ZNF609: variants seen among roughly 807,000 people sequenced by gnomAD.
ZNF609 encodes the protein zinc finger protein 609.
ZNF609 carries 11 observed loss-of-function variants against 109.5 expected under a neutral mutation model. The ratio of observed to expected loss-of-function variants is 0.10; its 90% CI spans 0.06 to 0.17. The LOEUF (loss-of-function observed/expected upper bound fraction) is 0.17. Among genes scored for constraint, ZNF609 ranks in the 10% least tolerant of loss-of-function variants. The pLI is 1.00. For synonymous variants in ZNF609, 646 were observed against 662.0 expected (o/e 0.98, Z 0.37); for missense variants, 1,559 against 1,772.4 (o/e 0.88, Z 2.16).
chr15:64,517,609 C>T (rs1728750906), intron 2 of ZNF609, among the ~76,000 whole-genome samples: 1 of 151,878 alleles, frequency 6.6e-6, no homozygotes, highest in Admixed American at 6.6e-5. Context: ...GTGGCTCACA[C>T]CTGTAGTCCC....
intron 1 of ZNF609, among the ~76,000 whole-genome samples, chr15:64,478,157 TG>T (rs1342468805): frequency 1.2e-5 from 1 of 80,666 alleles, no homozygotes; most frequent in Non-Finnish European, 2.2e-5. Flanking sequence ...AGAATAAAGG[TG>T]TGTGTGTGTG....
At chr15:64,664,717 G>T (rs577793754) in intron 3 of ZNF609, among the ~76,000 whole-genome samples, 106 of 152,242 alleles carry the variant, frequency 7.0e-4, no homozygotes, top group South Asian at 4.3e-3. Context: ...ATTTAAACAA[G>T]CCTCCATTTT....
At chr15:64,541,688 C>A (rs11071800) in intron 2 of ZNF609, among the ~76,000 whole-genome samples, 127,258 of 150,974 alleles carry the variant, frequency 0.84, 55,612 homozygotes, top group East Asian at 0.96. Context: ...AAAATACAAA[C>A]AATTAGCCGG....
Position 64,665,929 on chromosome 15 carries a change from A to T in ZNF609, c.974-4417A>T, listed in dbSNP as rs935994338. 2.0e-5 allele frequency among the ~76,000 whole-genome samples: 3 copies of T among 150,018 alleles called. No homozygotes were observed. The East Asian group carries it at 5.8e-4, about 29-fold the overall frequency. Reference sequence around the variant, plus strand: ...CTCAAAAATAAAAATTAAAATTAAAAATTAAATTAAAAAATAAATAAACAA... The same window carrying T: ...CTCAAAAATAAAAATTAAAATTAAATATTAAATTAAAAAATAAATAAACAA... On this transcript the variant is annotated intron_variant, in intron 3 of 9. Coordinates refer to ENST00000326648, the MANE Select transcript of ZNF609 (RefSeq NM_015042.2).
chr15:64,668,176 ATGT>A (rs1896677830), intron 3 of ZNF609, among the ~76,000 whole-genome samples: 1 of 152,226 alleles, frequency 6.6e-6, no homozygotes, highest in African/African-American at 2.4e-5. Context: ...GCAAACCAAA[ATGT>A]TAATAATAGA....
At chr15:64,592,224 C>T (rs545528848) in intron 2 of ZNF609, among the ~76,000 whole-genome samples, 1 of 151,962 alleles carries the variant, frequency 6.6e-6, no homozygotes, top group African/African-American at 2.4e-5. Context: ...AAAATTAGGA[C>T]AACCTAAATA....
At chr15:64,668,140 A>G (rs1057270223) in intron 3 of ZNF609, among the ~76,000 whole-genome samples, 3 of 152,242 alleles carry the variant, frequency 2.0e-5, no homozygotes, top group Non-Finnish European at 4.4e-5. Flanking sequence ...AAGTAATAAC[A>G]AAGACATTCC....
intron 2 of ZNF609, among the ~76,000 whole-genome samples, chr15:64,572,903 A>G (rs941780008): frequency 1.3e-5 from 2 of 152,122 alleles, no homozygotes; most frequent in African/African-American, 4.8e-5. Context: ...CTCCGTCTTG[A>G]GAAAAAAAAG....
chr15:64,572,766 G>A (rs989499798), intron 2 of ZNF609, among the ~76,000 whole-genome samples: 5 of 152,114 alleles, frequency 3.3e-5, no homozygotes, highest in Non-Finnish European at 7.4e-5. Context: ...GGTGGCACAT[G>A]CCTGCATACC....
At position 64,576,956 on chromosome 15, in the gene ZNF609, GTATA is replaced by G. The variant is rs1349801081; in HGVS notation, c.748-45866_748-45863del. 2.5e-5 allele frequency among the ~76,000 whole-genome samples: 3 copies of G among 121,152 alleles called. No individual in the cohort carries two copies. The East Asian group carries it at 6.9e-4, about 28-fold the overall frequency. The allele number at this position is 121,152 out of a possible 152,430, so 79.5% of individuals were successfully genotyped here. A position where few individuals can be genotyped will look rare whatever the true frequency, so the allele number is the denominator to read the frequency against. ...TATACATATAAATATATACATATAT[GTATA>G]TATACACATAAATATATATATGTAT... On this transcript the variant is annotated intron_variant, in intron 2 of 9. Coordinates refer to ENST00000326648, the MANE Select transcript of ZNF609 (RefSeq NM_015042.2).
chr15:64,551,601 G>A (rs1426507278), intron 2 of ZNF609, among the ~76,000 whole-genome samples: 1 of 136,478 alleles, frequency 7.3e-6, no homozygotes, highest in African/African-American at 2.5e-5. Flanking sequence ...ATGGTGAGCC[G>A]AGATCGCGCC....
chr15:64,463,199 A>C (rs1892966898), intron 1 of ZNF609, among the ~76,000 whole-genome samples: 1 of 152,190 alleles, frequency 6.6e-6, no homozygotes, highest in Non-Finnish European at 1.5e-5. Flanking sequence ...GTTCGAGACC[A>C]GCTTGGGCAA....
At chr15:64,482,095 A>G (rs993168430) in intron 1 of ZNF609, among the ~76,000 whole-genome samples, 1 of 152,090 alleles carries the variant, frequency 6.6e-6, no homozygotes, top group South Asian at 2.1e-4. Context: ...TTTTGTTTTT[A>G]AAAAAGATAT....
intron 2 of ZNF609, among the ~76,000 whole-genome samples, chr15:64,530,255 A>T (rs981067883): frequency 1.3e-5 from 2 of 151,690 alleles, no homozygotes; most frequent in Non-Finnish European, 2.9e-5. Context: ...ACCTCAAGTG[A>T]TCCGCTTGCC....
intron 2 of ZNF609, among the ~76,000 whole-genome samples, chr15:64,515,069 G>A (rs1308661360): frequency 6.6e-6 from 1 of 152,056 alleles, no homozygotes; most frequent in Non-Finnish European, 1.5e-5. Flanking sequence ...TTTAGGAAGG[G>A]CTCTTCCTTC....
At chr15:64,524,119 G>C (rs76498077) in intron 2 of ZNF609, among the ~76,000 whole-genome samples, 4,411 of 148,714 alleles carry the variant, frequency 0.03, 225 homozygotes, top group African/African-American at 0.1. Context: ...TTCACAAACT[G>C]TGTACCCATC....
chr15:64,630,167 G>A (rs1435737247), intron 3 of ZNF609, among the ~76,000 whole-genome samples: 2 of 149,760 alleles, frequency 1.3e-5, no homozygotes, highest in Non-Finnish European at 3.0e-5. Context: ...CACCTACGGG[G>A]TTCAAGCGAT....
chr15:64,623,043 A>G lies in ZNF609; in HGVS notation c.964A>G (p.Thr322Ala), dbSNP rs1369292192. 1.2e-6 allele frequency: 2 copies of G among 1,614,052 alleles called. No homozygotes were observed. Among genetic ancestry groups the G allele is most frequent in the African/African-American group, 2.7e-5 (2 of 74,950 alleles). The change falls in exon 3 of 10, where the codon ACA (threonine) becomes GCA (alanine). Residue 322 changes from threonine (T) to alanine (A), a missense_variant. Physicochemically the swap from Thr to Ala is moderately conservative, Grantham distance 58 (BLOSUM62 0). Coordinates refer to ENST00000326648, the MANE Select transcript of ZNF609 (RefSeq NM_015042.2). ...CCTTGAAGGCATCGTGTGGCAGGAA[A>G]CAGAAGATGGTAAGTGTGATATGTG... ...VNLEGIVWQE[T>A]EDGMLVVNVT...
At chr15:64,517,475 A>G (rs1893830200) in intron 2 of ZNF609, among the ~76,000 whole-genome samples, 1 of 152,208 alleles carries the variant, frequency 6.6e-6, no homozygotes, top group Admixed American at 6.5e-5. Context: ...TTGGAGGGCT[A>G]TCCTAGTCAA....
Sources: gnomAD v4.1 joint callset for allele counts (sites outside exome capture counted in the v4.1 genomes callset) on GRCh38, gnomAD v4.1.1 for gene constraint, MANE v1.5 for transcripts, NCBI Gene and HGNC (gene_info 2026-07-23, HGNC 2026-07-21) for gene names.